The following COL12A1 variants were observed in gnomAD, a reference collection of about 807,000 sequenced individuals.
The protein encoded by COL12A1 is collagen type XII alpha 1 chain.
A neutral mutation model predicts 349.7 loss-of-function variants in COL12A1; 114 were observed. The observed-to-expected ratio is 0.33, with a 90% CI of 0.28 to 0.38. The LOEUF is 0.38. Among genes scored for constraint, COL12A1 ranks in the 10% least tolerant of loss-of-function variants. The probability of loss-of-function intolerance (pLI) is 1.00; values close to 1 mark genes in which losing one functional copy is unlikely to be tolerated. For synonymous variants in COL12A1, 1,369 were observed against 1,329.0 expected (o/e 1.03, Z -0.66); for missense variants, 3,284 against 3,756.9 (o/e 0.87, Z 3.29).
At chr6:75,161,642 G>A (rs1562252086) in intron 14 of COL12A1, among the ~76,000 whole-genome samples, 1 of 152,172 alleles carries the variant, frequency 6.6e-6, no homozygotes, top group African/African-American at 2.4e-5. Flanking sequence ...CATAGTATTG[G>A]AAGTTCTGGC....
At position 75,119,423 on chromosome 6, in the gene COL12A1, G is replaced by A. The variant is rs2149366781; in HGVS notation, c.7137C>T (p.Asn2379=). The A allele has an allele frequency of 6.2e-7, 1 of 1,613,896 alleles. No individual in the cohort carries two copies. Among genetic ancestry groups the A allele is most frequent in the South Asian group, 1.1e-5 (1 of 91,060 alleles). The change falls in exon 45 of 66, where the codon AAC becomes AAT. Residue 2379 remains asparagine, a synonymous_variant. Coordinates refer to ENST00000322507, the MANE Select transcript of COL12A1 (RefSeq NM_004370.6). ...SDEVKSEFKL[N]TYNDKALALG... ...GGGCTAGGGCCTTGTCATTGTACGT[G>A]TTCAGCTTGAACTCAGACTTGACCT...
chr6:75,144,771 C>T (rs1453412960), intron 25 of COL12A1, among the ~76,000 whole-genome samples: 1 of 152,252 alleles, frequency 6.6e-6, no homozygotes, highest in African/African-American at 2.4e-5. Flanking sequence ...TTCCCAACAT[C>T]TAGCCCAGTG....
At chr6:75,126,106 T>C (rs1320732380) in intron 39 of COL12A1, among the ~76,000 whole-genome samples, 2 of 152,172 alleles carry the variant, frequency 1.3e-5, no homozygotes, top group Admixed American at 1.3e-4. Context: ...TGTGCAACTT[T>C]ATGAACCAAG....
At chr6:75,115,742 G>C in intron 49 of COL12A1, 42 bp downstream of exon 49, 3 of 1,557,104 alleles carry the variant, frequency 1.9e-6, no homozygotes, top group Non-Finnish European at 2.6e-6. Context: ...AGAACTTTTT[G>C]CAGGTCTTAA....
At chr6:75,129,320 C>T (rs759259833) in intron 37 of COL12A1, among the ~76,000 whole-genome samples, 8 of 152,148 alleles carry the variant, frequency 5.3e-5, no homozygotes, top group Non-Finnish European at 1.2e-4. Flanking sequence ...AATATTTCAT[C>T]ACATGGGGCT....
At chr6:75,195,640 T>C (rs1582220691) in intron 2 of COL12A1, among the ~76,000 whole-genome samples, 7 of 152,164 alleles carry the variant, frequency 4.6e-5, no homozygotes, top group Admixed American at 3.9e-4. Flanking sequence ...TTTATAAATA[T>C]ATAAATAGCG....
rs1027391365 is a variant in COL12A1 at position 75,158,975 on chromosome 6, C to A, written c.2984-2452G>T. Among the ~76,000 whole-genome samples the A allele has an allele frequency of 5.2e-4, 79 of 151,876 alleles. 1 individual carries two copies. Among genetic ancestry groups the A allele is most frequent in the Non-Finnish European group, 2.1e-4 (14 of 67,924 alleles). ...GTATTTGAAAAAATAATGGGATGGACTGGTTCAAATTTTATAAAAACCATA... is the reference window on the plus strand; with the variant it reads ...GTATTTGAAAAAATAATGGGATGGAATGGTTCAAATTTTATAAAAACCATA... On this transcript the variant is annotated intron_variant, in intron 14 of 65. Coordinates refer to ENST00000322507, the MANE Select transcript of COL12A1 (RefSeq NM_004370.6).
At position 75,165,592 on chromosome 6, in the gene COL12A1, C is replaced by G. The variant is rs1359390173; in HGVS notation, c.2898G>C (p.Gln966His). Residue 966 changes from glutamine (Q) to histidine (H), a missense_variant, in exon 14 of 66, where the codon CAG (glutamine) becomes CAC (histidine). Physicochemically the swap from Gln to His is conservative, Grantham distance 24 (BLOSUM62 0). Coordinates refer to ENST00000322507, the MANE Select transcript of COL12A1 (RefSeq NM_004370.6). ...DAIHTMIENLQPETKYRISVF... is the reference protein window; with the variant it reads ...DAIHTMIENLHPETKYRISVF... ...CTGAAATTCTGTATTTGGTCTCTGG[C>G]TGCAGATTTTCTATCATCGTATGAA... The G allele has an allele frequency of 2.5e-6, 4 of 1,613,996 alleles. No homozygotes were observed.
In COL12A1 at chr6:75,090,914, T is replaced by A. The variant is rs1280573401; in HGVS notation, c.8752+409A>T. On this transcript the variant is annotated intron_variant, in intron 62 of 65. Coordinates refer to ENST00000322507, the MANE Select transcript of COL12A1 (RefSeq NM_004370.6). The surrounding 1 kb of genome is among the most constrained non-coding windows in gnomAD (Gnocchi z 4.1). ...AAGGCCCACACCAGTCTGCAGGTAC[T>A]GAGCTTCATTACTTAACAGGCCTTA... Among the ~76,000 whole-genome samples, 1 of 152,194 alleles carries A rather than the reference T, an allele frequency of 6.6e-6. No homozygotes were observed. The highest frequency in any genetic ancestry group is 1.5e-5 in the Non-Finnish European group (1 of 68,036).
intron 22 of COL12A1, 151 bp downstream of exon 22, chr6:75,148,207 G>A (rs1767297829): frequency 3.1e-6 from 2 of 638,990 alleles, no homozygotes; most frequent in Non-Finnish European, 2.4e-6. Context: ...TGCCTGCCTA[G>A]CAAAGTCAAG....
chr6:75,176,417 G>A (rs1207392466), intron 12 of COL12A1, among the ~76,000 whole-genome samples: 1 of 151,126 alleles, frequency 6.6e-6, no homozygotes, highest in Non-Finnish European at 1.5e-5. Flanking sequence ...TGCAGTGGGA[G>A]GAGGGAAAGT....
chr6:75,101,835 G>C, intron 57 of COL12A1, 164 bp downstream of exon 57: 1 of 968,888 alleles, frequency 1.0e-6, no homozygotes, highest in Non-Finnish European at 1.6e-6. Flanking sequence ...TACCTGAATT[G>C]AATAGCACCA....
chr6:75,142,555 A>G (rs1037446806), intron 26 of COL12A1, among the ~76,000 whole-genome samples: 3 of 152,238 alleles, frequency 2.0e-5, no homozygotes, highest in Admixed American at 6.5e-5. Flanking sequence ...TTAAATGGAA[A>G]TGCAGAATGA....
intron 46 of COL12A1, 48 bp from the exon 47 acceptor site, chr6:75,117,594 C>T (rs1318818021): frequency 1.9e-6 from 3 of 1,584,698 alleles, no homozygotes. Flanking sequence ...TTTTTCTGTC[C>T]TTGTTGTTAG....
chr6:75,145,450 A>G lies in COL12A1; in HGVS notation c.4566T>C (p.Arg1522=). 1 of 1,613,576 alleles carries G rather than the reference A, an allele frequency of 6.2e-7. No homozygotes were observed. The highest frequency in any genetic ancestry group is 8.5e-7 in the Non-Finnish European group (1 of 1,179,674). ...DTEPTRPKEV[R]LGPTVNDMQL... Reference sequence around the variant, plus strand: ...GCATGTCATTCACTGTTGGCCCCAAACGCACCTGCACATGGATATGTGGAG... The same window carrying G: ...GCATGTCATTCACTGTTGGCCCCAAGCGCACCTGCACATGGATATGTGGAG... The change falls in exon 25 of 66, where the codon CGT becomes CGC. Residue 1522 remains arginine (R), a synonymous_variant. Coordinates refer to ENST00000322507, the MANE Select transcript of COL12A1 (RefSeq NM_004370.6).
intron 14 of COL12A1, among the ~76,000 whole-genome samples, chr6:75,159,340 T>C (rs1380251392): frequency 1.3e-5 from 2 of 149,652 alleles, no homozygotes; most frequent in African/African-American, 4.9e-5. Flanking sequence ...AATATTAAAA[T>C]TTATTTAGAT....
chr6:75,164,530 T>C (rs775839534), intron 14 of COL12A1, among the ~76,000 whole-genome samples: 1 of 152,176 alleles, frequency 6.6e-6, no homozygotes, highest in Non-Finnish European at 1.5e-5. Flanking sequence ...GCTTAACAAA[T>C]GACATTTGCT....
intron 5 of COL12A1, among the ~76,000 whole-genome samples, chr6:75,190,612 A>C (rs997705372): frequency 2.6e-5 from 4 of 151,872 alleles, no homozygotes; most frequent in African/African-American, 9.7e-5. Flanking sequence ...CCTTCTCTCT[A>C]TGGTGGAGGT....
intron 58 of COL12A1, among the ~76,000 whole-genome samples, chr6:75,101,352 T>G (rs1219285451): frequency 6.6e-6 from 1 of 152,230 alleles, no homozygotes; most frequent in East Asian, 1.9e-4. Flanking sequence ...TTTTTATGAA[T>G]ATGATATGGT....
Sources: gnomAD v4.1 joint callset for allele counts (sites outside exome capture counted in the v4.1 genomes callset) on GRCh38, gnomAD v4.1.1 for gene constraint, Gnocchi (gnomAD v3.1) non-coding constraint, MANE v1.5 for transcripts, NCBI Gene and HGNC (gene_info 2026-07-23, HGNC 2026-07-21) for gene names.